CEP44: variants seen among roughly 807,000 people sequenced by gnomAD.
CEP44 encodes centrosomal protein of 44 kDa.
In CEP44, 45 loss-of-function variants were observed where a neutral mutation model predicts 46.7. The observed-to-expected ratio is 0.96, with a 90% confidence interval of 0.76 to 1.24. The LOEUF is 1.24. Ranked by LOEUF, CEP44 falls within the 50% of genes most tolerant of loss-of-function variation. The probability of loss-of-function intolerance (pLI) is 0.00; values close to 1 mark genes in which losing one functional copy is unlikely to be tolerated. For synonymous variants in CEP44, 142 were observed against 146.0 expected (o/e 0.97, Z 0.20); for missense variants, 475 against 459.7 (o/e 1.03, Z -0.30).
chr4:174,297,080 C>T lies in CEP44; in HGVS notation c.-147-886C>T, dbSNP rs529127085. Among the ~76,000 whole-genome samples the T allele has an allele frequency of 5.4e-4, 82 of 151,984 alleles. No individual in the cohort carries two copies. The highest frequency in any genetic ancestry group is 1.8e-3 in the African/African-American group (75 of 41,456). Reference sequence around the variant, plus strand: ...TTAGCATGGTATATTTTTCCCTATCCATTTACTTTTAATCTTATAAACAAA... The same window carrying T: ...TTAGCATGGTATATTTTTCCCTATCTATTTACTTTTAATCTTATAAACAAA... On this transcript the variant is annotated intron_variant, in intron 1 of 11. Coordinates refer to ENST00000503780, the MANE Select transcript of CEP44 (RefSeq NM_001040157.3). The surrounding 1 kb of genome is among the most constrained non-coding windows in gnomAD (Gnocchi z 4.3).
rs916487549 is a variant in CEP44, at chr4:174,329,705, G to A, written c.1087-1777G>A. On this transcript the variant is annotated intron_variant, in intron 8 of 8. Transcript: ENST00000426172. The surrounding 1 kb of genome is among the most constrained non-coding windows in gnomAD (Gnocchi z 4.0). ...GTTTAGAGAAAGGATAAGACTGTTT[G>A]GATTATGTTCTTCTCTAATTTAGTT... 2.0e-5 allele frequency among the ~76,000 whole-genome samples: 3 copies of A among 151,754 alleles called. No individual in the cohort carries two copies. The highest frequency in any genetic ancestry group is 2.9e-5 in the Non-Finnish European group (2 of 67,918).
chr4:174,296,760 C>A (rs1225915629), intron 1 of CEP44, among the ~76,000 whole-genome samples: 2 of 96,212 alleles, frequency 2.1e-5, no homozygotes, highest in African/African-American at 7.9e-5. Context: ...TTTGTCCTTA[C>A]TGATTTTTTT....
chr4:174,305,435 C>A lies in CEP44; in HGVS notation c.507+1066C>A, dbSNP rs540313939. On this transcript the variant is annotated intron_variant, in intron 6 of 11. Transcript: ENST00000503780. The stretch of plus-strand genomic sequence containing the variant: ...TACTACTGCAGTCCAGGCTGGCTGA[C>A]AGAGCGAGACTCCATCTCAAAAAAA... Among the ~76,000 whole-genome samples, 384 of 152,282 alleles carry A rather than the reference C, an allele frequency of 2.5e-3. 2 individuals carry two copies. The highest frequency in any genetic ancestry group is 8.7e-3 in the African/African-American group (363 of 41,558).
In CEP44 at chr4:174,302,080, G is replaced by A; in HGVS notation, c.131G>A (p.Ser44Asn). The A allele has an allele frequency of 6.2e-7, 1 of 1,611,150 alleles. No individual in the cohort carries two copies. Among genetic ancestry groups the A allele is most frequent in the Non-Finnish European group, 8.5e-7 (1 of 1,179,210 alleles). The change falls in exon 4 of 12, where the codon AGC becomes AAC. Residue 44 changes from serine to asparagine, a missense_variant. Ser to Asn is a conservative substitution (Grantham distance 46, BLOSUM62 1). Transcript: ENST00000503780. ...CCAGCAGCATCTTTGCCCATCATCA[G>A]CTATTCTTTTACCTCATACTCACCT... ...GDPAASLPII[S>N]YSFTSYSPYV...
At chr4:174,320,614 A>C (rs1162891779), downstream of CEP44, among the ~76,000 whole-genome samples, 1 of 150,286 alleles carries the variant, frequency 6.7e-6, no homozygotes. Context: ...CAAAAGGACT[A>C]GCATAAACAA....
intron 1 of CEP44, among the ~76,000 whole-genome samples, chr4:174,295,235 C>T (rs1303711975): frequency 6.5e-4 from 95 of 146,926 alleles, no homozygotes; most frequent in Non-Finnish European, 8.7e-4. Flanking sequence ...TCATATGGGG[C>T]GGTTGCCAGG....
rs1192111713 is a variant in CEP44, at chr4:174,299,081, T to G, written c.-41T>G. ...GGATTTCTATTTTCAGGTGAAAAAT[T>G]AGACGATTTCAAGAATTGGAGCTGA... On this transcript the variant is annotated 5_prime_UTR_variant, in exon 3 of 12. The change creates a new upstream start codon in the 5' untranslated region. Transcript: ENST00000503780. 1 of 1,539,998 alleles carries G rather than the reference T, an allele frequency of 6.5e-7. No individual in the cohort carries two copies. Among genetic ancestry groups the G allele is most frequent in the South Asian group, 1.1e-5 (1 of 87,096 alleles).
In CEP44 at chr4:174,331,765, A is replaced by G. The variant is rs1731330338; in HGVS notation, c.*170A>G. ...ACTTTTTCCTTCCTGCTACATGGGT[A>G]ACACTTAGTTGTTTGTCTAATTTCT... On this transcript the variant is annotated 3_prime_UTR_variant, in exon 9 of 9. Coordinates refer to the CEP44 transcript ENST00000426172. This position sits in a 1 kb window ranked among gnomAD's most constrained non-coding sequence, Gnocchi z 4.5. The G allele has an allele frequency of 1.3e-6, 1 of 786,844 alleles. No homozygotes were observed. The highest frequency in any genetic ancestry group is 2.9e-5 in the East Asian group (1 of 34,704). The allele number at this position is 786,844 out of a possible 1,614,324, so 48.7% of individuals were successfully genotyped here.
In CEP44 at chr4:174,310,841, T is replaced by A; in HGVS notation, c.944T>A (p.Met315Lys). ...GAAGACTACGCTTCTTGTAGTGACA[T>A]GGACCTTCTGAATCCTCGTAAGTTT... ...VSEDYASCSD[M>K]DLLNPHRKSE... The change falls in exon 9 of 12, where the codon ATG becomes AAG. Residue 315 changes from methionine to lysine, a missense_variant. By Grantham distance (95) the Met-to-Lys change is moderately conservative. Coordinates refer to ENST00000503780, the MANE Select transcript of CEP44 (RefSeq NM_001040157.3). This position sits in a 1 kb window ranked among gnomAD's most constrained non-coding sequence, Gnocchi z 4.2. 2 of 1,499,804 alleles carry A rather than the reference T, an allele frequency of 1.3e-6. No homozygotes were observed. The highest frequency in any genetic ancestry group is 1.8e-6 in the Non-Finnish European group (2 of 1,088,846). 92.9% of individuals were successfully genotyped at this position (1,499,804 alleles called of 1,614,324 possible). A position where few individuals can be genotyped will look rare whatever the true frequency, so the allele number is the denominator to read the frequency against.
intron 8 of CEP44, among the ~76,000 whole-genome samples, chr4:174,327,991 C>G (rs940507467): frequency 6.6e-6 from 1 of 152,140 alleles, no homozygotes; most frequent in Non-Finnish European, 1.5e-5. Context: ...TTAAAAAACA[C>G]AAAATGCACA....
chr4:174,295,075 G>T (rs1316473323), intron 1 of CEP44, among the ~76,000 whole-genome samples: 1 of 150,606 alleles, frequency 6.6e-6, no homozygotes, highest in Non-Finnish European at 1.5e-5. Context: ...GGCCGGGCGG[G>T]GGGCTGATCC....
intron 10 of CEP44, 63 bp from the exon 11 acceptor site, chr4:174,316,467 G>A (rs1402548942): frequency 1.4e-6 from 2 of 1,446,298 alleles, no homozygotes; most frequent in African/African-American, 1.4e-5. Flanking sequence ...TACATTCTCG[G>A]TCCATCTTTG....
chr4:174,327,186 TTTAG>T (rs1472968835), intron 8 of CEP44, among the ~76,000 whole-genome samples: 1 of 139,248 alleles, frequency 7.2e-6, no homozygotes, highest in Admixed American at 7.1e-5. Context: ...TATATATATA[TTTAG>T]AGAGAGAGAG....
chr4:174,323,444 T>C (rs1013879602), downstream of CEP44, among the ~76,000 whole-genome samples: 35 of 152,158 alleles, frequency 2.3e-4, no homozygotes, highest in African/African-American at 8.2e-4. Context: ...ATTCCTCTGA[T>C]ACCAAACCAG....
downstream of CEP44, among the ~76,000 whole-genome samples, chr4:174,324,603 G>T (rs1046951621): frequency 2.6e-5 from 4 of 152,066 alleles, no homozygotes; most frequent in Non-Finnish European, 4.4e-5. Flanking sequence ...AAAAGTTAAG[G>T]CTCAATGTTA....
chr4:174,294,385 C>T (rs1003476304), intron 1 of CEP44, among the ~76,000 whole-genome samples: 4 of 152,078 alleles, frequency 2.6e-5, no homozygotes, highest in Non-Finnish European at 4.4e-5. Context: ...AACAGGATCC[C>T]AAGGCAGAAG....
At chr4:174,308,900 T>C in intron 7 of CEP44, 41 bp downstream of exon 7, 3 of 1,536,870 alleles carry the variant, frequency 2.0e-6, no homozygotes, top group Non-Finnish European at 2.7e-6. Flanking sequence ...CAGTATTTTT[T>C]ACTTAAATAT....
chr4:174,283,938 G>T lies in CEP44; in HGVS notation c.-153G>T. 1 of 399,154 alleles carries T rather than the reference G, an allele frequency of 2.5e-6. No homozygotes were observed. The allele number at this position is 399,154 out of a possible 1,614,324, so 24.7% of individuals were successfully genotyped here. ...AGAAGCTCCCAGCTTTGAAGGTCTTGCGGTGGTGCGTGGCGGGCAGGAACC... is the reference window on the plus strand; with the variant it reads ...AGAAGCTCCCAGCTTTGAAGGTCTTTCGGTGGTGCGTGGCGGGCAGGAACC... On this transcript the variant is annotated 5_prime_UTR_variant, in exon 1 of 12. Transcript: ENST00000503780. The surrounding 1 kb of genome is among the most constrained non-coding windows in gnomAD (Gnocchi z 6.7).
rs1381565218 is a variant in CEP44 at position 174,299,284 on chromosome 4, C to T, written c.89+74C>T. 6.6e-6 allele frequency: 8 copies of T among 1,215,998 alleles called. No homozygotes were observed. In the East Asian group the frequency reaches 1.8e-4, roughly 27 times the overall value. The allele number at this position is 1,215,998 out of a possible 1,614,324, so 75.3% of individuals were successfully genotyped here. A position where few individuals can be genotyped will look rare whatever the true frequency, so the allele number is the denominator to read the frequency against. ...AGATGATATTTAACATGGGGGACTA[C>T]CTGAGAAAAATCAGATTTTACCTGG... On this transcript the variant is annotated intron_variant, in intron 3 of 11. Transcript: ENST00000503780.
Sources: gnomAD v4.1 joint callset for allele counts (sites outside exome capture counted in the v4.1 genomes callset) on GRCh38, gnomAD v4.1.1 for gene constraint, Gnocchi (gnomAD v3.1) non-coding constraint, MANE v1.5 for transcripts, NCBI Gene and HGNC (gene_info 2026-07-23, HGNC 2026-07-21) for gene names.